AUTS2: variants seen among roughly 807,000 people sequenced by gnomAD.
AUTS2 encodes the protein activator of transcription and developmental regulator AUTS2.
In AUTS2, 17 loss-of-function variants were observed where a neutral mutation model predicts 112.4. That is an observed-to-expected ratio of 0.15 (90% CI 0.10 to 0.23). AUTS2 has a LOEUF of 0.23. Ranked by LOEUF, AUTS2 falls within the 10% of genes least tolerant of loss-of-function variation. The pLI is 1.00. For missense variants in AUTS2, 1,510 were observed against 1,701.6 expected (o/e 0.89, Z 1.98); for synonymous variants, 751 against 702.7 (o/e 1.07, Z -1.09).
intron 5 of AUTS2, among the ~76,000 whole-genome samples, chr7:70,493,007 A>G (rs1450994278): frequency 1.3e-5 from 2 of 152,070 alleles, no homozygotes; most frequent in Non-Finnish European, 2.9e-5. Context: ...ACGTAGTACT[A>G]TATTTCTTTT....
intron 5 of AUTS2, among the ~76,000 whole-genome samples, chr7:70,644,384 A>G (rs1806032656): frequency 6.6e-6 from 1 of 152,108 alleles, no homozygotes; most frequent in African/African-American, 2.4e-5. Flanking sequence ...AACAGAGGGA[A>G]CTGCACGTTC....
intron 15 of AUTS2, chr7:70,782,358 A>G (rs917888723): frequency 6.7e-6 from 1 of 149,634 alleles, no homozygotes; most frequent in African/African-American, 2.5e-5. Context: ...TAAACACCCA[A>G]GTGACCTGCT....
intron 2 of AUTS2, among the ~76,000 whole-genome samples, chr7:69,913,629 C>T (rs1202874279): frequency 2.0e-5 from 3 of 152,022 alleles, no homozygotes; most frequent in Non-Finnish European, 4.4e-5. Context: ...TTATAGTTTC[C>T]ATTCATGTCT....
intron 4 of AUTS2, among the ~76,000 whole-genome samples, chr7:70,235,180 C>CT (rs1812256457): frequency 6.6e-6 from 1 of 152,068 alleles, no homozygotes; most frequent in South Asian, 2.1e-4. Context: ...CTCACCCAGC[C>CT]TAGAGTGTGT....
chr7:70,366,482 A>G (rs1356617324), intron 4 of AUTS2, among the ~76,000 whole-genome samples: 2 of 152,190 alleles, frequency 1.3e-5, no homozygotes, highest in African/African-American at 4.8e-5. Flanking sequence ...AGCCCTACTT[A>G]TATGTCTGGA....
chr7:70,673,369 TTTTC>T (rs1429422392), intron 5 of AUTS2, among the ~76,000 whole-genome samples: 1 of 114,998 alleles, frequency 8.7e-6, no homozygotes, highest in Non-Finnish European at 1.9e-5. Context: ...TTTTTTTTTC[TTTTC>T]TTTTTTTTTT....
At chr7:70,246,204 A>G (rs1234944839) in intron 4 of AUTS2, among the ~76,000 whole-genome samples, 1 of 152,122 alleles carries the variant, frequency 6.6e-6, no homozygotes, top group Non-Finnish European at 1.5e-5. Context: ...TAATGATAGA[A>G]TAGTTGAGTT....
rs1043501261 is a variant in AUTS2 at position 70,499,131 on chromosome 7, C to T, written c.690+63350C>T. On this transcript the variant is annotated intron_variant, in intron 5 of 18. Coordinates refer to ENST00000342771, the MANE Select transcript of AUTS2 (RefSeq NM_015570.4). Reference sequence around the variant, plus strand: ...TGCGAGTAAGACGGGTCCCTGCTCTCGGGATGCTTACAGTCTCACGGAAGG... The same window carrying T: ...TGCGAGTAAGACGGGTCCCTGCTCTTGGGATGCTTACAGTCTCACGGAAGG... Among the ~76,000 whole-genome samples the T allele has an allele frequency of 5.3e-5, 8 of 152,146 alleles. No homozygotes were observed. In the East Asian group the frequency reaches 9.6e-4, roughly 18 times the overall value.
intron 2 of AUTS2, among the ~76,000 whole-genome samples, chr7:69,945,884 G>T (rs1796791102): frequency 6.6e-6 from 1 of 152,124 alleles, no homozygotes; most frequent in Admixed American, 6.5e-5. Context: ...CTCTTACTCT[G>T]TCACCCAGGC....
intron 2 of AUTS2, among the ~76,000 whole-genome samples, chr7:69,899,712 C>G (rs545273738): frequency 6.6e-6 from 1 of 152,194 alleles, no homozygotes; most frequent in African/African-American, 2.4e-5. Flanking sequence ...GGTGCCCTTT[C>G]AGTCAGATGT....
chr7:70,196,347 G>A (rs1024115450), intron 4 of AUTS2, among the ~76,000 whole-genome samples: 11 of 152,152 alleles, frequency 7.2e-5, no homozygotes, highest in African/African-American at 2.7e-4. Flanking sequence ...AATGGGTGAG[G>A]GAGCTACAGC....
intron 2 of AUTS2, among the ~76,000 whole-genome samples, chr7:70,021,870 C>A (rs1200264416): frequency 1.3e-5 from 2 of 151,984 alleles, no homozygotes; most frequent in Admixed American, 6.6e-5. Flanking sequence ...TCTCTCTGAC[C>A]TTTAGCTAAT....
At chr7:69,796,055 A>C (rs1220291149) in intron 1 of AUTS2, among the ~76,000 whole-genome samples, 1 of 152,180 alleles carries the variant, frequency 6.6e-6, no homozygotes, top group East Asian at 1.9e-4. Flanking sequence ...ATTAACATTC[A>C]AGGTTTCTGT....
At chr7:70,356,908 G>C (rs1167822270) in intron 4 of AUTS2, among the ~76,000 whole-genome samples, 1 of 152,144 alleles carries the variant, frequency 6.6e-6, no homozygotes, top group Non-Finnish European at 1.5e-5. Context: ...TTCCTTAGTA[G>C]AATTTCACGA....
rs1490489349 is a variant in AUTS2, at chr7:70,767,480, A to G, written c.1690-544A>G. ...GTGAGCTGTTTCACAAATAAATTTA[A>G]CCAAAGGTAGTTATAGCATCAATAT... On this transcript the variant is annotated intron_variant, in intron 9 of 18. Transcript: ENST00000342771. Among the ~76,000 whole-genome samples the G allele has an allele frequency of 2.0e-5, 3 of 152,190 alleles. No homozygotes were observed. In the East Asian group the frequency reaches 5.8e-4, roughly 29 times the overall value.
In AUTS2 at chr7:70,468,872, A is replaced by G. The variant is rs148938639; in HGVS notation, c.690+33091A>G. Among the ~76,000 whole-genome samples, 36 of 152,230 alleles carry G rather than the reference A, an allele frequency of 2.4e-4. No homozygotes were observed. The East Asian group carries it at 4.4e-3, about 19-fold the overall frequency. ...CTCAAGGTCTTCGACAAGGTCTTTT[A>G]TGAAGCCTTTGTGGATTCGGTGGGA... On this transcript the variant is annotated intron_variant, in intron 5 of 18. Coordinates refer to ENST00000342771, the MANE Select transcript of AUTS2 (RefSeq NM_015570.4).
Position 70,764,769 on chromosome 7 carries a change from C to A in AUTS2, c.1232C>A (p.Thr411Asn). 1.3e-6 allele frequency: 1 copy of A among 758,194 alleles called. No individual in the cohort carries two copies. Among genetic ancestry groups the A allele is most frequent in the Non-Finnish European group, 2.4e-6 (1 of 421,942 alleles). The allele number at this position is 758,194 out of a possible 1,614,324, so 47.0% of individuals were successfully genotyped here. A position where few individuals can be genotyped will look rare whatever the true frequency, so the allele number is the denominator to read the frequency against. The change falls in exon 8 of 19, where the codon ACT (threonine) becomes AAT (asparagine). Residue 411 changes from threonine (T) to asparagine (N), a missense_variant. This residue lies in a region of AUTS2 where 535 missense variants were observed against 594.3 expected (regional missense o/e 0.90). Transcript: ENST00000342771. ...LNSLSSSRSS[T>N]PAKTQPAPPH... The stretch of plus-strand genomic sequence containing the variant: ...TCCGATAGCAGCAGCAGAAGCAGCA[C>A]TCCAGCGAAGACTCAGCCCGCCCCA...
At chr7:70,086,102 C>T (rs528771465) in intron 2 of AUTS2, among the ~76,000 whole-genome samples, 36 of 152,172 alleles carry the variant, frequency 2.4e-4, no homozygotes, top group Non-Finnish European at 3.8e-4. Context: ...TGTTAGTCTT[C>T]CAACTTACTT....
intron 4 of AUTS2, among the ~76,000 whole-genome samples, chr7:70,354,277 G>T (rs955223800): frequency 2.0e-5 from 3 of 152,172 alleles, no homozygotes; most frequent in Non-Finnish European, 4.4e-5. Context: ...AATTCATTTG[G>T]CAACTCCAAT....
Sources: allele counts gnomAD v4.1 joint callset (sites outside exome capture counted in the v4.1 genomes callset), GRCh38; gene constraint gnomAD v4.1.1; regional missense constraint gnomAD v4.1.1; transcripts MANE v1.5; gene names NCBI Gene and HGNC (gene_info 2026-07-23, HGNC 2026-07-21).